RAPGEF6: variants seen among roughly 807,000 people sequenced by gnomAD.
RAPGEF6 encodes PDZ domain containing guanine nucleotide exchange factor (GEF) 2.
RAPGEF6 carries 56 observed loss-of-function variants against 171.4 expected under a neutral mutation model. That is an observed-to-expected ratio of 0.33 (90% CI 0.26 to 0.41). RAPGEF6 has a LOEUF of 0.41. Among genes scored for constraint, RAPGEF6 ranks in the 10% least tolerant of loss-of-function variants. The probability of loss-of-function intolerance (pLI) is 1.00; values close to 1 mark genes in which losing one functional copy is unlikely to be tolerated. For missense variants in RAPGEF6, 1,674 were observed against 1,921.4 expected (o/e 0.87, Z 2.41); for synonymous variants, 692 against 650.1 (o/e 1.06, Z -0.98).
intron 15 of RAPGEF6, among the ~76,000 whole-genome samples, chr5:131,485,208 T>A (rs1338828567): frequency 2.6e-5 from 4 of 152,200 alleles, no homozygotes; most frequent in Admixed American, 2.6e-4. Flanking sequence ...ATTACAGGCA[T>A]GAGCCACCAT....
At position 131,427,132 on chromosome 5, in the gene RAPGEF6, G is replaced by T. The variant is rs925772766; in HGVS notation, c.*134C>A. On this transcript the variant is annotated 3_prime_UTR_variant, in exon 28 of 28. Coordinates refer to ENST00000509018, the MANE Select transcript of RAPGEF6 (RefSeq NM_016340.6). ...ATAACTCAGGTCTATTTCATTGCTC[G>T]GAGTAGAGGGAATAAAACCTCTGGA... 10 of 804,404 alleles carry T rather than the reference G, an allele frequency of 1.2e-5. No homozygotes were observed. The highest frequency in any genetic ancestry group is 8.7e-5 in the African/African-American group (5 of 57,264). The allele number at this position is 804,404 out of a possible 1,614,324, so 49.8% of individuals were successfully genotyped here.
At chr5:131,633,558 C>A (rs1300325139) in intron 1 of RAPGEF6, among the ~76,000 whole-genome samples, 11 of 151,838 alleles carry the variant, frequency 7.2e-5, no homozygotes, top group Non-Finnish European at 1.5e-5. Context: ...GGTGCAACCC[C>A]GTCTCTACTA....
chr5:131,478,351 TG>T (rs1755248489), intron 16 of RAPGEF6, among the ~76,000 whole-genome samples: 1 of 152,200 alleles, frequency 6.6e-6, no homozygotes, highest in Non-Finnish European at 1.5e-5. Flanking sequence ...TATATTATGC[TG>T]TATCCACAAC....
intron 1 of RAPGEF6, among the ~76,000 whole-genome samples, chr5:131,629,078 A>G (rs562017986): frequency 6.6e-6 from 1 of 152,316 alleles, no homozygotes; most frequent in South Asian, 2.1e-4. Flanking sequence ...TTATTTAAGA[A>G]ACACATTTCA....
At chr5:131,476,954 T>C (rs547431936) in intron 16 of RAPGEF6, among the ~76,000 whole-genome samples, 1 of 152,214 alleles carries the variant, frequency 6.6e-6, no homozygotes, top group Non-Finnish European at 1.5e-5. Context: ...TTTGTCAATC[T>C]GTGAGGAAAC....
chr5:131,573,962 T>A (rs1049353176), intron 4 of RAPGEF6, among the ~76,000 whole-genome samples: 5 of 152,172 alleles, frequency 3.3e-5, no homozygotes, highest in African/African-American at 1.2e-4. Flanking sequence ...CAATCTCACC[T>A]TCAAGGTGTT....
chr5:131,523,642 G>A (rs1758661735), intron 6 of RAPGEF6, among the ~76,000 whole-genome samples: 2 of 152,002 alleles, frequency 1.3e-5, no homozygotes, highest in Admixed American at 6.6e-5. Flanking sequence ...AAGAGCCACA[G>A]GAGATTCAGT....
chr5:131,614,988 T>C (rs1036283657), intron 1 of RAPGEF6, among the ~76,000 whole-genome samples: 10 of 152,224 alleles, frequency 6.6e-5, no homozygotes, highest in Admixed American at 5.9e-4. Context: ...AGGAACTTTG[T>C]AGAAATGTAA....
At chr5:131,505,056 G>C (rs926283134) in intron 10 of RAPGEF6, among the ~76,000 whole-genome samples, 41 of 150,456 alleles carry the variant, frequency 2.7e-4, no homozygotes, top group African/African-American at 1.0e-3. Flanking sequence ...GAGTAAGTTA[G>C]AAACAAACAA....
At chr5:131,460,018 T>C (rs1753805701) in intron 19 of RAPGEF6, among the ~76,000 whole-genome samples, 1 of 152,166 alleles carries the variant, frequency 6.6e-6, no homozygotes, top group South Asian at 2.1e-4. Context: ...AAAGAGTATA[T>C]TCTTTGATCT....
In RAPGEF6 at chr5:131,431,001, G is replaced by A; in HGVS notation, c.4323C>T (p.Asp1441=). 6.2e-7 allele frequency: 1 copy of A among 1,614,194 alleles called. No individual in the cohort carries two copies. Residue 1441 remains aspartate (D), a synonymous_variant, in exon 26 of 28, where the codon GAC becomes GAT. Transcript: ENST00000509018. ...KSWTSSSSLS[D]TYEPNYGTVK... ...CTGTCCCATAGTTTGGTTCATACGT[G>A]TCAGACAGAGAACTGGAGGAGGTCC... is the stretch of plus-strand genomic sequence containing the variant.
intron 16 of RAPGEF6, among the ~76,000 whole-genome samples, chr5:131,479,125 A>C (rs1295464197): frequency 6.6e-6 from 1 of 152,158 alleles, no homozygotes; most frequent in East Asian, 1.9e-4. Flanking sequence ...GTTCAACTTT[A>C]GAATTCAAGA....
chr5:131,436,395 T>A, intron 24 of RAPGEF6: 1 of 1,531,644 alleles, frequency 6.5e-7, no homozygotes, highest in Admixed American at 2.0e-5. Context: ...GAGGGAGAGA[T>A]GCAAAAACCC....
intron 7 of RAPGEF6, among the ~76,000 whole-genome samples, chr5:131,514,181 G>A (rs1251588753): frequency 5.9e-5 from 9 of 151,980 alleles, no homozygotes; most frequent in Admixed American, 3.3e-4. Flanking sequence ...GATAAAACAG[G>A]AATTAAGAAT....
intron 23 of RAPGEF6, among the ~76,000 whole-genome samples, chr5:131,441,697 T>C (rs1580828030): frequency 6.6e-6 from 1 of 152,172 alleles, no homozygotes; most frequent in Admixed American, 6.5e-5. Context: ...GAATTTCTTA[T>C]TCAACTTTGT....
chr5:131,425,176 T>C lies in RAPGEF6; in HGVS notation c.*2090A>G, dbSNP rs1335079205. 2.0e-5 allele frequency: 3 copies of C among 152,430 alleles called. No individual in the cohort carries two copies. In the East Asian group the frequency reaches 5.6e-4, roughly 29 times the overall value. 9.4% of individuals were successfully genotyped at this position (152,430 alleles called of 1,614,324 possible). A position where few individuals can be genotyped will look rare whatever the true frequency, so the allele number is the denominator to read the frequency against. On this transcript the variant is annotated 3_prime_UTR_variant, in exon 28 of 28. Transcript: ENST00000509018. The stretch of plus-strand genomic sequence containing the variant: ...AGGTGCAAGTCCAAAACCATAGGCC[T>C]CAACACTCTGTGCAAGATATTTACA...
chr5:131,631,048 C>T (rs1414210113), intron 1 of RAPGEF6, among the ~76,000 whole-genome samples: 2 of 152,304 alleles, frequency 1.3e-5, no homozygotes, highest in African/African-American at 4.8e-5. Flanking sequence ...CTGATTTCTA[C>T]TCTTCTCCCC....
chr5:131,543,200 A>G (rs1561549114), intron 6 of RAPGEF6, among the ~76,000 whole-genome samples: 1 of 152,262 alleles, frequency 6.6e-6, no homozygotes, highest in East Asian at 1.9e-4. Flanking sequence ...CACAGAAGCA[A>G]AATAAATGGA....
intron 12 of RAPGEF6, among the ~76,000 whole-genome samples, chr5:131,497,230 G>A (rs1452479729): frequency 6.6e-6 from 1 of 152,094 alleles, no homozygotes; most frequent in Non-Finnish European, 1.5e-5. Flanking sequence ...CTGTCTTTTC[G>A]TTGTTGAGTT....
Sources: allele counts gnomAD v4.1 joint callset (sites outside exome capture counted in the v4.1 genomes callset), GRCh38; gene constraint gnomAD v4.1.1; transcripts MANE v1.5; gene names NCBI Gene and HGNC (gene_info 2026-07-23, HGNC 2026-07-21).